DRC9: variants seen among roughly 807,000 people sequenced by gnomAD.
The protein encoded by DRC9 is dynein regulatory complex subunit 9.
chr3:197,943,882 C>T, the DRC9 span: 13 of 1,614,012 alleles, frequency 8.1e-6, no homozygotes, highest in African/African-American at 1.2e-4. Context: ...CTCAGCACAT[C>T]TGGAAGGGAC....
chr3:197,931,106 T>C, the DRC9 span, among the ~76,000 whole-genome samples: 81 of 151,168 alleles, frequency 5.4e-4, no homozygotes, highest in Non-Finnish European at 1.5e-4. Flanking sequence ...TCTCTAAGAA[T>C]AGAATAAAAA....
the DRC9 span, among the ~76,000 whole-genome samples, chr3:197,940,560 G>C: frequency 1.3e-5 from 2 of 152,096 alleles, no homozygotes; most frequent in South Asian, 4.1e-4. Context: ...CTTTAAAAGA[G>C]GGAAAATGCT....
the DRC9 span, among the ~76,000 whole-genome samples, chr3:197,933,399 C>T: frequency 6.6e-6 from 1 of 151,936 alleles, no homozygotes; most frequent in African/African-American, 2.4e-5. Context: ...TGAGATTGTG[C>T]CACTGCACTC....
chr3:197,960,109 T>C, the DRC9 span: 6 of 875,204 alleles, frequency 6.9e-6, no homozygotes, highest in African/African-American at 6.8e-5. Context: ...GCGGCGAACT[T>C]CTAGCGGGTG....
At chr3:197,941,004 A>T in the DRC9 span, among the ~76,000 whole-genome samples, 1 of 814 alleles carries the variant, frequency 1.2e-3, no homozygotes, top group South Asian at 0.024. Flanking sequence ...AACACTGTCG[A>T]TTAATTTAGA....
At chr3:197,947,805 A>G in the DRC9 span, among the ~76,000 whole-genome samples, 1 of 151,788 alleles carries the variant, frequency 6.6e-6, no homozygotes, top group African/African-American at 2.4e-5. Context: ...ATGTTCCTCT[A>G]TCAAAGGTCA....
chr3:197,907,492 T>C, the DRC9 span, among the ~76,000 whole-genome samples: 5 of 152,214 alleles, frequency 3.3e-5, no homozygotes, highest in African/African-American at 9.6e-5. Flanking sequence ...TGGAGTGTGA[T>C]AGCCTACCCT....
chr3:197,938,448 A>G, the DRC9 span: 1 of 806,838 alleles, frequency 1.2e-6, no homozygotes, highest in Non-Finnish European at 2.1e-6. Context: ...ATACACAGTA[A>G]TGACTAACCT....
the DRC9 span, chr3:197,954,500 A>G: frequency 2.0e-5 from 7 of 342,826 alleles, no homozygotes; most frequent in South Asian, 1.5e-4. Context: ...CACCCAGCTA[A>G]TTTTTGGGGT....
chr3:197,943,717 C>G, the DRC9 span: 2 of 1,370,068 alleles, frequency 1.5e-6, no homozygotes, highest in Non-Finnish European at 2.1e-6. Context: ...GGGATAGGTA[C>G]TATAAATGAG....
the DRC9 span, chr3:197,912,416 T>C: frequency 5.3e-6 from 2 of 375,058 alleles, no homozygotes; most frequent in Admixed American, 4.4e-5. Context: ...ATTATGAGTA[T>C]ACAGCAATAT....
chr3:197,950,621 C>T, the DRC9 span: 1 of 429,004 alleles, frequency 2.3e-6, no homozygotes, highest in African/African-American at 2.0e-5. Context: ...CTCTTTAAGG[C>T]TTCATTTCTT....
chr3:197,913,658 A>G, the DRC9 span: 4 of 612,074 alleles, frequency 6.5e-6, no homozygotes, highest in South Asian at 7.9e-5. Flanking sequence ...CAATTTTCAA[A>G]GTCATTATGA....
At chr3:197,895,326 A>G in the DRC9 span, among the ~76,000 whole-genome samples, 3 of 152,100 alleles carry the variant, frequency 2.0e-5, no homozygotes, top group South Asian at 2.1e-4. Context: ...CTGGAGTACA[A>G]TGGCACAATC....
At chr3:197,915,058 G>T in the DRC9 span, among the ~76,000 whole-genome samples, 2 of 151,506 alleles carry the variant, frequency 1.3e-5, no homozygotes, top group Admixed American at 6.6e-5. Context: ...CAGCTACTCG[G>T]GAGGCTGAGG....
At chr3:197,928,982 T>C in the DRC9 span, among the ~76,000 whole-genome samples, 1 of 152,214 alleles carries the variant, frequency 6.6e-6, no homozygotes, top group African/African-American at 2.4e-5. Flanking sequence ...CCTGATTCCC[T>C]TCCCCAGCCC....
At chr3:197,942,707 C>T in the DRC9 span, among the ~76,000 whole-genome samples, 8 of 151,822 alleles carry the variant, frequency 5.3e-5, no homozygotes, top group African/African-American at 1.7e-4. Flanking sequence ...CACCTGAGGT[C>T]GGGAGTTCAA....
chr3:197,890,119 G>T, the DRC9 span, among the ~76,000 whole-genome samples: 97 of 152,330 alleles, frequency 6.4e-4, no homozygotes, highest in African/African-American at 2.2e-3. Context: ...ATAATGCCAG[G>T]TGCGGTGGCT....
chr3:197,912,461 T>C, the DRC9 span: 1 of 488,012 alleles, frequency 2.0e-6, no homozygotes, highest in Non-Finnish European at 3.6e-6. Flanking sequence ...AGCTCAATGA[T>C]AAAAGCAGAA....
Sources: gnomAD v4.1 joint callset for allele counts (sites outside exome capture counted in the v4.1 genomes callset) on GRCh38, gnomAD v4.1.1 for gene constraint, MANE v1.5 for transcripts, NCBI Gene and HGNC (gene_info 2026-07-23, HGNC 2026-07-21) for gene names.